Variants in DLG2 observed in about 807,000 individuals in gnomAD.
DLG2 encodes disks large homolog 2.
A neutral mutation model predicts 132.5 loss-of-function variants in DLG2; 45 were observed. The ratio of observed to expected loss-of-function variants is 0.34; its 90% CI spans 0.27 to 0.44. The LOEUF (loss-of-function observed/expected upper bound fraction) is 0.44, where lower values mean the gene tolerates loss of function less well. Ranked by LOEUF, DLG2 falls within the 20% of genes least tolerant of loss-of-function variation. The pLI is 1.00. For synonymous variants in DLG2, 424 were observed against 419.6 expected (o/e 1.01, Z -0.13); for missense variants, 1,045 against 1,196.9 (o/e 0.87, Z 1.87).
At chr11:83,990,637 C>T (rs770522020) in intron 11 of DLG2, among the ~76,000 whole-genome samples, 3 of 152,070 alleles carry the variant, frequency 2.0e-5, no homozygotes, top group African/African-American at 7.2e-5. Context: ...ACAATGTACC[C>T]GAATATTCTT....
At chr11:85,120,038 T>C (rs1318559787) in intron 5 of DLG2, among the ~76,000 whole-genome samples, 2 of 152,098 alleles carry the variant, frequency 1.3e-5, no homozygotes, top group African/African-American at 2.4e-5. Context: ...AAAATGCATA[T>C]ACATTGGATA....
At chr11:84,434,526 CTT>C (rs896116586) in intron 7 of DLG2, among the ~76,000 whole-genome samples, 10 of 152,128 alleles carry the variant, frequency 6.6e-5, no homozygotes, top group Non-Finnish European at 1.5e-4. Flanking sequence ...GCTAGCTACT[CTT>C]CTCTCTAGGA....
intron 8 of DLG2, among the ~76,000 whole-genome samples, chr11:84,166,366 G>A (rs758317604): frequency 6.6e-6 from 1 of 151,938 alleles, no homozygotes; most frequent in East Asian, 1.9e-4. Context: ...TCTGGGCAGG[G>A]TGGCGTGCAC....
intron 3 of DLG2, among the ~76,000 whole-genome samples, chr11:85,361,018 G>GA (rs796527148): frequency 4.7e-5 from 7 of 150,404 alleles, no homozygotes; most frequent in Non-Finnish European, 7.4e-5. Flanking sequence ...ACAGCTCTAT[G>GA]AAAAAAAAAT....
At chr11:85,586,348 TG>T (rs2078970640) in intron 3 of DLG2, among the ~76,000 whole-genome samples, 1 of 152,164 alleles carries the variant, frequency 6.6e-6, no homozygotes, top group Non-Finnish European at 1.5e-5. Flanking sequence ...GACTTTTTTT[TG>T]TTGGTAACTT....
intron 7 of DLG2, among the ~76,000 whole-genome samples, chr11:84,395,116 GT>G (rs1401658666): frequency 6.6e-6 from 1 of 151,394 alleles, no homozygotes; most frequent in East Asian, 1.9e-4. Context: ...CTAATTTGCT[GT>G]TACACTTCTC....
chr11:83,658,726 C>T (rs2073425987), intron 18 of DLG2, among the ~76,000 whole-genome samples: 1 of 152,116 alleles, frequency 6.6e-6, no homozygotes, highest in Non-Finnish European at 1.5e-5. Flanking sequence ...TTTGGAAAGC[C>T]CTGGAATTGC....
intron 19 of DLG2, among the ~76,000 whole-genome samples, chr11:83,566,042 G>C (rs1440442550): frequency 1.3e-5 from 2 of 152,164 alleles, no homozygotes; most frequent in Middle Eastern, 3.2e-3. Context: ...TCAGGGCAGT[G>C]GGTTGCACCC....
At chr11:84,670,722 A>C (rs1274014137) in intron 6 of DLG2, among the ~76,000 whole-genome samples, 6 of 152,176 alleles carry the variant, frequency 3.9e-5, no homozygotes, top group African/African-American at 1.4e-4. Flanking sequence ...ACAATGACTG[A>C]GTGGGTAGAG....
At chr11:84,613,106 G>C (rs755641475) in intron 6 of DLG2, among the ~76,000 whole-genome samples, 1 of 152,044 alleles carries the variant, frequency 6.6e-6, no homozygotes, top group South Asian at 2.1e-4. Flanking sequence ...ACTGCAAGAC[G>C]CTGGGGACTG....
At chr11:85,403,690 T>G (rs1229906507) in intron 3 of DLG2, among the ~76,000 whole-genome samples, 1 of 150,832 alleles carries the variant, frequency 6.6e-6, no homozygotes, top group Non-Finnish European at 1.5e-5. Context: ...AAGGAGAGAG[T>G]GGAAACCAAC....
intron 4 of DLG2, among the ~76,000 whole-genome samples, chr11:85,258,453 GA>G (rs1258982465): frequency 1.3e-5 from 2 of 152,184 alleles, no homozygotes; most frequent in East Asian, 3.9e-4. Flanking sequence ...TCAAGCAACT[GA>G]AATATGAATT....
At chr11:85,543,448 T>C (rs1338519733) in intron 3 of DLG2, among the ~76,000 whole-genome samples, 1 of 152,200 alleles carries the variant, frequency 6.6e-6, no homozygotes, top group African/African-American at 2.4e-5. Flanking sequence ...AATAAACATA[T>C]GTGTGCATGG....
At chr11:84,419,085 C>T (rs752945526) in intron 7 of DLG2, among the ~76,000 whole-genome samples, 4 of 151,892 alleles carry the variant, frequency 2.6e-5, no homozygotes, top group Non-Finnish European at 5.9e-5. Context: ...GTAGACACAA[C>T]TCAAAGTTTT....
chr11:84,486,093 T>C (rs763395666), intron 7 of DLG2, among the ~76,000 whole-genome samples: 9 of 152,134 alleles, frequency 5.9e-5, no homozygotes, highest in African/African-American at 9.7e-5. Flanking sequence ...ACTAATTATA[T>C]ACCCCTGTCA....
intron 7 of DLG2, among the ~76,000 whole-genome samples, chr11:84,460,159 G>T (rs2099076506): frequency 1.3e-5 from 2 of 150,198 alleles, no homozygotes; most frequent in African/African-American, 4.9e-5. Context: ...ATGTTTTATG[G>T]TAATAGATTT....
At chr11:84,656,569 T>G (rs2154547387) in intron 6 of DLG2, among the ~76,000 whole-genome samples, 1 of 152,256 alleles carries the variant, frequency 6.6e-6, no homozygotes, top group African/African-American at 2.4e-5. Flanking sequence ...GCAACTATGT[T>G]TGGGATCATG....
rs73509137 is a variant in DLG2, at chr11:84,525,957, G to A, written c.519+8613C>T. On this transcript the variant is annotated intron_variant, in intron 7 of 27. Coordinates refer to ENST00000376104, the MANE Select transcript of DLG2 (RefSeq NM_001142699.3). ...CTTCCTTCAAGTAAAAAATGATCTC[G>A]TGTATAATTTTTTTTCTCTGACAAC... Among the ~76,000 whole-genome samples, 1,065 of 152,072 alleles carry A rather than the reference G, an allele frequency of 7.0e-3. 11 individuals are homozygous for A. Among genetic ancestry groups the A allele is most frequent in the Non-Finnish European group, 7.3e-3 (496 of 68,000 alleles).
chr11:85,539,208 C>T (rs1017446794), intron 3 of DLG2, among the ~76,000 whole-genome samples: 3 of 151,734 alleles, frequency 2.0e-5, no homozygotes, highest in South Asian at 2.1e-4. Context: ...TATCCTATCA[C>T]ATTTCTGAAT....
Sources: gnomAD v4.1 joint callset for allele counts (sites outside exome capture counted in the v4.1 genomes callset) on GRCh38, gnomAD v4.1.1 for gene constraint, MANE v1.5 for transcripts, NCBI Gene and HGNC (gene_info 2026-07-23, HGNC 2026-07-21) for gene names.